The following TLE3 variants were observed in gnomAD, a reference collection of about 807,000 sequenced individuals.
TLE3 encodes the protein transducin-like enhancer protein 3.
Under a neutral mutation model 93.0 loss-of-function variants are expected in TLE3, and 14 were observed. The observed-to-expected ratio is 0.15, with a 90% CI of 0.10 to 0.24. The LOEUF (loss-of-function observed/expected upper bound fraction) is 0.24, where lower values mean the gene tolerates loss of function less well. TLE3 is among the 10% of genes least tolerant of loss of function. The pLI, the probability that TLE3 is intolerant of heterozygous loss-of-function variation, is 1.00. For missense variants in TLE3, 693 were observed against 1,046.6 expected, an observed-to-expected ratio of 0.66 and a Z score of 4.66; for synonymous variants, 451 against 425.0, an observed-to-expected ratio of 1.06 and a Z score of -0.75.
In TLE3 at chr15:70,097,024, G is replaced by A. The variant is rs1047703362; in HGVS notation, c.-226C>T. 6.8e-6 allele frequency: 4 copies of A among 586,710 alleles called. No homozygotes were observed. Among genetic ancestry groups the A allele is most frequent in the South Asian group, 2.0e-5 (1 of 50,734 alleles). 36.3% of individuals were successfully genotyped at this position (586,710 alleles called of 1,614,324 possible). A position where few individuals can be genotyped will look rare whatever the true frequency, so the allele number is the denominator to read the frequency against. The stretch of plus-strand genomic sequence containing the variant: ...GCGGCAAAGTCGTCGGCGGGCGCCG[G>A]GGCCGGGCGGCGGGCGCGGGCTTTG... On this transcript the variant is annotated 5_prime_UTR_variant, in exon 1 of 20. Coordinates refer to ENST00000451782, the MANE Select transcript of TLE3 (RefSeq NM_001105192.3).
At chr15:70,065,767 G>A (rs377376685) in intron 7 of TLE3, among the ~76,000 whole-genome samples, 3 of 152,226 alleles carry the variant, frequency 2.0e-5, no homozygotes, top group East Asian at 3.9e-4. Flanking sequence ...AGATGGGAGC[G>A]AGCTCCAGAT....
chr15:70,063,652 C>A (rs1009763847), intron 8 of TLE3, among the ~76,000 whole-genome samples: 20 of 152,166 alleles, frequency 1.3e-4, no homozygotes, highest in South Asian at 4.1e-4. Context: ...ACAAGGACAG[C>A]GATGAGGAAT....
At position 70,097,376 on chromosome 15, in the gene TLE3, AGGGCGGGAGCCCGGCGC is replaced by A; in HGVS notation, c.-595_-579del. On this transcript the variant is annotated 5_prime_UTR_variant, in exon 1 of 20. Transcript: ENST00000451782. ...GGGGCCGCAGGAGCGCCGGAGGGTG[AGGGCGGGAGCCCGGCGC>A]GGGCGCTTCGACGCCCCCCCTCGGA... 2.5e-6 allele frequency: 1 copy of A among 405,260 alleles called. No individual in the cohort carries two copies. Among genetic ancestry groups the A allele is most frequent in the Non-Finnish European group, 4.3e-6 (1 of 229,992 alleles). The allele number at this position is 405,260 out of a possible 1,614,324, so 25.1% of individuals were successfully genotyped here.
intron 15 of TLE3, 155 bp from the exon 16 acceptor site, chr15:70,054,840 C>T: frequency 2.4e-6 from 3 of 1,257,090 alleles, no homozygotes; most frequent in African/African-American, 1.5e-5. Context: ...CTCAAATTCA[C>T]AACCCTTTGA....
chr15:70,081,845 G>A (rs117643512), intron 4 of TLE3, among the ~76,000 whole-genome samples: 233 of 152,360 alleles, frequency 1.5e-3, no homozygotes, highest in Non-Finnish European at 2.4e-3. Context: ...GCAAAGCCAT[G>A]GGGAAGTGAC....
chr15:70,096,438 G>A, intron 1 of TLE3, 177 bp from the exon 2 acceptor site: 3 of 1,240,442 alleles, frequency 2.4e-6, no homozygotes, highest in Non-Finnish European at 3.3e-6. Context: ...ATCTCTCCCC[G>A]TCGGCAGCGG....
rs2056408434 is a variant in TLE3, at chr15:70,060,634, G to A, written c.610C>T (p.Pro204Ser). 3.1e-6 allele frequency: 5 copies of A among 1,613,950 alleles called. No individual in the cohort carries two copies. The highest frequency in any genetic ancestry group is 4.2e-6 in the Non-Finnish European group (5 of 1,179,862). Residue 204 changes from proline (P) to serine (S), a missense_variant, in exon 9 of 20, where the codon CCC becomes TCC. Physicochemically the swap from Pro to Ser is moderately conservative, Grantham distance 74. Around this residue, in one of 4 missense-constraint regions of TLE3, gnomAD observed 405 missense variants for 468.9 expected, o/e 0.86. Transcript: ENST00000451782. Reference sequence around the variant, plus strand: ...TCACTGGCCCGGAGGCTTTCCGAGGGTGACACAGAGTTATTCTGGAAGGAA... The same window carrying A: ...TCACTGGCCCGGAGGCTTTCCGAGGATGACACAGAGTTATTCTGGAAGGAA... ...RESSANNSVS[P>S]SESLRASEKH...
intron 9 of TLE3, among the ~76,000 whole-genome samples, 172 bp downstream of exon 9, chr15:70,060,358 A>C (rs1595888715): frequency 6.6e-6 from 1 of 151,764 alleles, no homozygotes; most frequent in South Asian, 2.1e-4. Flanking sequence ...TGTGAACTTC[A>C]CCCTAGCCCT....
intron 1 of TLE3, 184 bp from the exon 2 acceptor site, chr15:70,096,445 G>A: frequency 8.3e-7 from 1 of 1,211,234 alleles, no homozygotes; most frequent in South Asian, 1.5e-5. Context: ...CCCGTCGGCA[G>A]CGGGGCTCCC....
chr15:70,096,732 T>G (rs892874916), intron 1 of TLE3, 43 bp downstream of exon 1: 6 of 1,610,222 alleles, frequency 3.7e-6, no homozygotes, highest in Non-Finnish European at 5.1e-6. Context: ...TCGTTTACCC[T>G]GCCATGATAG....
rs537051270 is a variant in TLE3 at position 70,067,204 on chromosome 15, G to A, written c.373-986C>T. ...CTTCCCCACTCAACACTAGCCTCAG[G>A]GGCTTGGGCTTCTCTTTCCTCTCCC... On this transcript the variant is annotated intron_variant, in intron 6 of 19. Transcript: ENST00000451782. Among the ~76,000 whole-genome samples, 27 of 152,234 alleles carry A rather than the reference G, an allele frequency of 1.8e-4. No individual in the cohort carries two copies. In the South Asian group the frequency reaches 5.6e-3, roughly 32 times the overall value.
At position 70,048,692 on chromosome 15, in the gene TLE3, C is replaced by T. The variant is rs1321948013; in HGVS notation, c.*1405G>A. 1 of 151,428 alleles carries T rather than the reference C, an allele frequency of 6.6e-6. No individual in the cohort carries two copies. The highest frequency in any genetic ancestry group is 1.5e-5 in the Non-Finnish European group (1 of 67,870). 9.4% of individuals were successfully genotyped at this position (151,428 alleles called of 1,614,324 possible). On this transcript the variant is annotated 3_prime_UTR_variant, in exon 20 of 20. Transcript: ENST00000451782. The stretch of plus-strand genomic sequence containing the variant: ...AAAAAACCCAACCCAAATCCTAACA[C>T]CTCAGAACATGTTGGTACCAAAAGG...
At chr15:70,075,662 G>A (rs1319005076) in intron 5 of TLE3, among the ~76,000 whole-genome samples, 1 of 152,180 alleles carries the variant, frequency 6.6e-6, no homozygotes, top group Non-Finnish European at 1.5e-5. Context: ...TAGTCCAGCC[G>A]CTGTCCCAAA....
At chr15:70,094,388 A>C in intron 4 of TLE3, 144 bp downstream of exon 4, 1 of 648,576 alleles carries the variant, frequency 1.5e-6, no homozygotes, top group Non-Finnish European at 2.6e-6. Context: ...CTTGCATTTC[A>C]AGGACTGGAT....
chr15:70,096,655 GCACACACACAAA>G (rs769964647), intron 1 of TLE3, 108 bp downstream of exon 1: 7 of 1,552,594 alleles, frequency 4.5e-6, no homozygotes, highest in Non-Finnish European at 6.1e-6. Flanking sequence ...TTGTGTGAGA[GCACACACACAAA>G]CACACACACC....
At chr15:70,060,801 G>T in intron 8 of TLE3, 152 bp from the exon 9 acceptor site, 1 of 1,371,204 alleles carries the variant, frequency 7.3e-7, no homozygotes, top group Non-Finnish European at 1.0e-6. Context: ...CTCCATCAGA[G>T]CCTTGCCAGG....
intron 4 of TLE3, among the ~76,000 whole-genome samples, chr15:70,080,356 C>T (rs1221628752): frequency 3.3e-5 from 5 of 152,136 alleles, no homozygotes; most frequent in African/African-American, 7.2e-5. Context: ...AGGCTGGTGC[C>T]GCCTTTGAAA....
At position 70,066,473 on chromosome 15, in the gene TLE3, T is replaced by C. The variant is rs2056825770; in HGVS notation, c.373-255A>G. On this transcript the variant is annotated intron_variant, in intron 6 of 19. Transcript: ENST00000451782. ...CCCCCCAACTCCCTGCACCCCCGTT[T>C]CACAAATAATTTCTCAATGTTTGTT... 3 of 403,766 alleles carry C rather than the reference T, an allele frequency of 7.4e-6. No homozygotes were observed. In the South Asian group the frequency reaches 2.6e-4, roughly 35 times the overall value. The allele number at this position is 403,766 out of a possible 1,614,324, so 25.0% of individuals were successfully genotyped here. A position where few individuals can be genotyped will look rare whatever the true frequency, so the allele number is the denominator to read the frequency against.
chr15:70,060,439 C>T lies in TLE3; in HGVS notation c.714+91G>A, dbSNP rs115451328. The T allele has an allele frequency of 1.6e-4, 247 of 1,552,466 alleles. 1 individual carries two copies. The African/African-American group carries it at 3.1e-3, about 20-fold the overall frequency. ...TGCTTCTCTGACTCACTGCCAACCA[C>T]AAGAAGACCCTGGCCACAGCTTGGG... On this transcript the variant is annotated intron_variant, in intron 9 of 19. Transcript: ENST00000451782.
Sources: allele counts gnomAD v4.1 joint callset (sites outside exome capture counted in the v4.1 genomes callset), GRCh38; gene constraint gnomAD v4.1.1; regional missense constraint gnomAD v4.1.1; transcripts MANE v1.5; gene names NCBI Gene and HGNC (gene_info 2026-07-23, HGNC 2026-07-21).